The following JAKMIP3 variants were observed in gnomAD, a reference collection of about 807,000 sequenced individuals.
JAKMIP3 encodes Janus kinase and microtubule interacting protein 3.
In JAKMIP3, 58 loss-of-function variants were observed where a neutral mutation model predicts 118.5. The ratio of observed to expected loss-of-function variants is 0.49; its 90% CI spans 0.40 to 0.61. The LOEUF (loss-of-function observed/expected upper bound fraction) is 0.61. JAKMIP3 is among the 20% of genes least tolerant of loss of function. The pLI is 0.00. For synonymous variants in JAKMIP3, 486 were observed against 451.2 expected, an observed-to-expected ratio of 1.08 and a Z score of -0.98; for missense variants, 950 against 1,109.0, an observed-to-expected ratio of 0.86 and a Z score of 2.04.
intron 1 of JAKMIP3, among the ~76,000 whole-genome samples, chr10:132,057,711 C>A (rs114007262): frequency 6.6e-6 from 1 of 152,310 alleles, no homozygotes; most frequent in African/African-American, 2.4e-5. Flanking sequence ...GGGGTGTCGA[C>A]CCCTTGGTGC....
chr10:132,095,762 GGGTGTTTACTATTCCTGATA>G (rs2043772020), intron 1 of JAKMIP3, among the ~76,000 whole-genome samples: 1 of 152,198 alleles, frequency 6.6e-6, no homozygotes. Context: ...TCCTCCTCCT[GGGTGTTTACTATTCCTGATA>G]GGTGTTTTTG....
chr10:132,172,302 TTCATCA>T (rs1428214679), intron 23 of JAKMIP3, among the ~76,000 whole-genome samples: 1 of 152,022 alleles, frequency 6.6e-6, no homozygotes, highest in Non-Finnish European at 1.5e-5. Context: ...ATGGGTGTGT[TTCATCA>T]CTGAGGCCGT....
intron 4 of JAKMIP3, 124 bp downstream of exon 4, chr10:132,133,651 T>C: frequency 1.1e-6 from 1 of 875,072 alleles, no homozygotes; most frequent in Non-Finnish European, 1.8e-6. Context: ...AGCACCCTCC[T>C]GCCTGGGCAC....
intron 6 of JAKMIP3, among the ~76,000 whole-genome samples, chr10:132,136,533 G>A (rs756439106): frequency 2.6e-5 from 4 of 152,196 alleles, no homozygotes; most frequent in Non-Finnish European, 4.4e-5. Context: ...GTGTCACCAC[G>A]TTCCCCTGCC....
chr10:132,139,556 C>T (rs937214860), intron 9 of JAKMIP3, among the ~76,000 whole-genome samples: 3 of 125,934 alleles, frequency 2.4e-5, no homozygotes, highest in African/African-American at 3.3e-5. Flanking sequence ...AGTGTTTTCT[C>T]GCTGTTAGAC....
upstream of JAKMIP3, among the ~76,000 whole-genome samples, chr10:132,060,519 C>T (rs1379120242): frequency 6.6e-6 from 1 of 152,176 alleles, no homozygotes; most frequent in East Asian, 1.9e-4. Context: ...TACCAAAATC[C>T]TGCAATGACC....
At chr10:132,061,994 T>C (rs1299202745), upstream of JAKMIP3, among the ~76,000 whole-genome samples, 1 of 151,938 alleles carries the variant, frequency 6.6e-6, no homozygotes, top group African/African-American at 2.4e-5. Context: ...CTATCCAGAT[T>C]GTAGAACAGC....
intron 1 of JAKMIP3, among the ~76,000 whole-genome samples, chr10:132,046,736 G>C (rs373140601): frequency 6.6e-6 from 1 of 152,168 alleles, no homozygotes; most frequent in Non-Finnish European, 1.5e-5. Flanking sequence ...CCTTCACCCA[G>C]GTTCTCCTAA....
chr10:132,167,397 G>A (rs1184751937), intron 22 of JAKMIP3, among the ~76,000 whole-genome samples: 1 of 152,176 alleles, frequency 6.6e-6, no homozygotes, highest in Non-Finnish European at 1.5e-5. Flanking sequence ...TCGGCAGCAG[G>A]CCCTGGGGGC....
chr10:132,036,442 C>T (rs1326951085), upstream of JAKMIP3, among the ~76,000 whole-genome samples: 2 of 152,198 alleles, frequency 1.3e-5, no homozygotes, highest in African/African-American at 2.4e-5. Context: ...GCCCGGTGCC[C>T]GGCTCCCTAC....
At chr10:132,076,523 C>G (rs758840755) in intron 1 of JAKMIP3, among the ~76,000 whole-genome samples, 11 of 152,256 alleles carry the variant, frequency 7.2e-5, no homozygotes, top group Non-Finnish European at 1.2e-4. Context: ...GGGTTTACAC[C>G]TAGGGGTGGA....
intron 1 of JAKMIP3, among the ~76,000 whole-genome samples, chr10:132,039,859 A>C (rs1481576022): frequency 2.0e-5 from 3 of 152,188 alleles, no homozygotes; most frequent in Non-Finnish European, 2.9e-5. Context: ...GCGCCTCTGC[A>C]AGTCACGCTG....
intron 17 of JAKMIP3, 109 bp downstream of exon 17, chr10:132,153,132 T>G: frequency 1.2e-6 from 1 of 861,592 alleles, no homozygotes; most frequent in South Asian, 1.5e-5. Flanking sequence ...GGGCCGGGTT[T>G]GGGGGGTCCA....
intron 23 of JAKMIP3, among the ~76,000 whole-genome samples, chr10:132,174,452 C>T (rs1240471113): frequency 6.7e-6 from 1 of 150,066 alleles, no homozygotes; most frequent in Non-Finnish European, 1.5e-5. Flanking sequence ...CTGTGGGCTC[C>T]GTGGGTTTTC....
At position 132,116,561 on chromosome 10, in the gene JAKMIP3, T is replaced by G. The variant is rs866756833; in HGVS notation, c.136-516T>G. 4.8e-3 allele frequency among the ~76,000 whole-genome samples: 452 copies of G among 94,870 alleles called. 6 individuals are homozygous for G. Among genetic ancestry groups the G allele is most frequent in the African/African-American group, 0.019 (427 of 21,910 alleles). 62.2% of individuals were successfully genotyped at this position (94,870 alleles called of 152,430 possible). Reference sequence around the variant, plus strand: ...GAATACACATTCAGATGTGTGAGTGTGTGCATCATGGACGCTCCCCCCGAA... The same window carrying G: ...GAATACACATTCAGATGTGTGAGTGGGTGCATCATGGACGCTCCCCCCGAA... On this transcript the variant is annotated intron_variant, in intron 2 of 23. Coordinates refer to ENST00000684848, the MANE Select transcript of JAKMIP3 (RefSeq NM_001323087.2).
intron 1 of JAKMIP3, among the ~76,000 whole-genome samples, chr10:132,043,058 C>A (rs147600656): frequency 0.012 from 1,799 of 152,146 alleles, 34 homozygotes; most frequent in African/African-American, 0.041. Context: ...CACACCACTG[C>A]ACTCCAGCCT....
At chr10:132,048,737 C>T (rs543483272) in intron 1 of JAKMIP3, among the ~76,000 whole-genome samples, 9 of 144,798 alleles carry the variant, frequency 6.2e-5, no homozygotes, top group African/African-American at 1.5e-4. Flanking sequence ...CCCGGGTTCA[C>T]GCCATTCTCC....
At chr10:132,104,444 C>T (rs540398890) in intron 1 of JAKMIP3, among the ~76,000 whole-genome samples, 10 of 152,318 alleles carry the variant, frequency 6.6e-5, no homozygotes, top group South Asian at 6.2e-4. Context: ...CCATGCTGGG[C>T]GTGGGGATGT....
chr10:132,105,525 G>A (rs2045767363), intron 2 of JAKMIP3, among the ~76,000 whole-genome samples: 1 of 150,410 alleles, frequency 6.6e-6, no homozygotes, highest in South Asian at 2.1e-4. Context: ...GTGCTGAGCT[G>A]TGCTGGCAGC....
Sources: allele counts gnomAD v4.1 joint callset (sites outside exome capture counted in the v4.1 genomes callset), GRCh38; gene constraint gnomAD v4.1.1; transcripts MANE v1.5; gene names NCBI Gene and HGNC (gene_info 2026-07-23, HGNC 2026-07-21).